Variants in B3GALT1 observed in about 807,000 individuals in gnomAD.
The protein encoded by B3GALT1 is UDP-Gal:betaGlcNAc beta 1,3-galactosyltransferase, polypeptide 1.
Under a neutral mutation model 23.2 loss-of-function variants are expected in B3GALT1, and 10 were observed. The observed-to-expected ratio is 0.43, with a 90% confidence interval of 0.27 to 0.73. B3GALT1 has a LOEUF of 0.73. Ranked by LOEUF, B3GALT1 falls within the 30% of genes least tolerant of loss-of-function variation. The pLI, the probability that B3GALT1 is intolerant of heterozygous loss-of-function variation, is 0.21. For missense variants in B3GALT1, 299 were observed against 405.4 expected (o/e 0.74, Z 2.25); for synonymous variants, 156 against 141.5 (o/e 1.10, Z -0.73).
intron 2 of B3GALT1, among the ~76,000 whole-genome samples, chr2:167,548,675 C>CT (rs1231846870): frequency 1.0e-5 from 1 of 99,844 alleles, no homozygotes; most frequent in Non-Finnish European, 2.0e-5. Context: ...CCTGTCCAGA[C>CT]GTGTGTGTGA....
intron 1 of B3GALT1, among the ~76,000 whole-genome samples, chr2:167,334,925 T>C (rs929070018): frequency 6.6e-6 from 1 of 152,200 alleles, no homozygotes; most frequent in African/African-American, 2.4e-5. Context: ...TTTTGTAATT[T>C]TATTTCTTTA....
intron 3 of B3GALT1, among the ~76,000 whole-genome samples, chr2:167,783,247 A>C (rs1688277610): frequency 6.6e-6 from 1 of 152,176 alleles, no homozygotes; most frequent in African/African-American, 2.4e-5. Context: ...CATTGAGCTC[A>C]AAAAGAGTAC....
chr2:167,828,662 C>T (rs1689280213), intron 4 of B3GALT1, among the ~76,000 whole-genome samples: 1 of 152,188 alleles, frequency 6.6e-6, no homozygotes, highest in East Asian at 1.9e-4. Flanking sequence ...AAATCACAAT[C>T]CTAATAATGG....
At chr2:167,795,950 C>G (rs1172817964) in intron 3 of B3GALT1, among the ~76,000 whole-genome samples, 1 of 152,172 alleles carries the variant, frequency 6.6e-6, no homozygotes, top group Non-Finnish European at 1.5e-5. Context: ...TCTGGTTTCT[C>G]CTGGAACTGC....
intron 2 of B3GALT1, among the ~76,000 whole-genome samples, chr2:167,579,056 C>T (rs1684432450): frequency 6.6e-6 from 1 of 152,002 alleles, no homozygotes. Flanking sequence ...AGAGCTTGCC[C>T]CCAGATAAAA....
At chr2:167,864,674 C>T (rs1234960509) in intron 4 of B3GALT1, among the ~76,000 whole-genome samples, 10 of 152,190 alleles carry the variant, frequency 6.6e-5, no homozygotes, top group Admixed American at 6.5e-4. Flanking sequence ...CTCAACAGGC[C>T]TTAGGAAGCT....
At chr2:167,464,347 G>T (rs978964601) in intron 1 of B3GALT1, among the ~76,000 whole-genome samples, 1 of 152,154 alleles carries the variant, frequency 6.6e-6, no homozygotes, top group Non-Finnish European at 1.5e-5. Flanking sequence ...TTTCAGAGAA[G>T]AATTGAGTTT....
intron 1 of B3GALT1, among the ~76,000 whole-genome samples, chr2:167,422,378 G>A (rs946648981): frequency 2.0e-5 from 3 of 152,088 alleles, no homozygotes; most frequent in Non-Finnish European, 4.4e-5. Context: ...AGAACTATGA[G>A]CAATAAATTT....
chr2:167,530,049 A>C (rs1683297999), intron 2 of B3GALT1, among the ~76,000 whole-genome samples: 1 of 152,130 alleles, frequency 6.6e-6, no homozygotes, highest in Admixed American at 6.6e-5. Flanking sequence ...CTCTGAGCTC[A>C]CTTCCTACAA....
intron 1 of B3GALT1, among the ~76,000 whole-genome samples, chr2:167,353,970 TA>T (rs1158020488): frequency 6.6e-6 from 1 of 152,164 alleles, no homozygotes; most frequent in African/African-American, 2.4e-5. Context: ...GCTAAATTCA[TA>T]AATGTACAAT....
intron 3 of B3GALT1, among the ~76,000 whole-genome samples, chr2:167,673,123 A>T (rs13033539): frequency 6.6e-6 from 1 of 152,122 alleles, no homozygotes; most frequent in Non-Finnish European, 1.5e-5. Context: ...ATGATAAGGC[A>T]TGGGAGAACG....
chr2:167,869,223 T>A lies in B3GALT1; in HGVS notation c.184T>A (p.Ser62Thr). ...AAGAACTCGACCTATCAACCCACAT[T>A]CTTTTGAATTTCTTATCAACGAGCC... ...NIRTRPINPH[S>T]FEFLINEPNK... Residue 62 changes from serine to threonine, a missense_variant, in exon 5 of 5, where the codon TCT (serine) becomes ACT (threonine). Transcript: ENST00000392690. The surrounding 1 kb of genome is among the most constrained non-coding windows in gnomAD (Gnocchi z 6.4). The A allele has an allele frequency of 6.2e-7, 1 of 1,614,172 alleles. No homozygotes were observed. Among genetic ancestry groups the A allele is most frequent in the Middle Eastern group, 1.6e-4 (1 of 6,062 alleles).
intron 4 of B3GALT1, among the ~76,000 whole-genome samples, chr2:167,827,475 G>C (rs1202879397): frequency 6.6e-6 from 1 of 152,160 alleles, no homozygotes; most frequent in African/African-American, 2.4e-5. Flanking sequence ...GTCTAGACTG[G>C]CACCTAGGTG....
At chr2:167,804,903 C>T (rs1486357915) in intron 3 of B3GALT1, among the ~76,000 whole-genome samples, 1 of 152,216 alleles carries the variant, frequency 6.6e-6, no homozygotes, top group Non-Finnish European at 1.5e-5. Context: ...AATCGCCACA[C>T]TGACTTCCAC....
chr2:167,434,786 A>G (rs73023873), intron 1 of B3GALT1, among the ~76,000 whole-genome samples: 2,319 of 141,404 alleles, frequency 0.016, 65 homozygotes, highest in African/African-American at 0.054. Context: ...AGCCAATGCT[A>G]TAATTTAAAA....
intron 1 of B3GALT1, among the ~76,000 whole-genome samples, chr2:167,351,578 A>T (rs1319937071): frequency 6.6e-6 from 1 of 152,220 alleles, no homozygotes. Flanking sequence ...ACTAAAGTAC[A>T]CAAGTGTGTG....
intron 3 of B3GALT1, among the ~76,000 whole-genome samples, chr2:167,809,282 C>T (rs1431284203): frequency 2.0e-5 from 3 of 152,324 alleles, no homozygotes; most frequent in African/African-American, 7.2e-5. Context: ...CTTCTCTCAA[C>T]TCATCAAAGT....
chr2:167,728,339 A>C (rs886450270), intron 3 of B3GALT1, among the ~76,000 whole-genome samples: 1 of 152,176 alleles, frequency 6.6e-6, no homozygotes, highest in Non-Finnish European at 1.5e-5. Flanking sequence ...GTGAGGTGAG[A>C]TCACGCCACT....
chr2:167,669,496 T>C (rs1053563805), intron 3 of B3GALT1, among the ~76,000 whole-genome samples: 5 of 152,194 alleles, frequency 3.3e-5, no homozygotes, highest in African/African-American at 1.2e-4. Flanking sequence ...GTGTGAAATA[T>C]GAAATGTGGA....
Sources: allele counts gnomAD v4.1 joint callset (sites outside exome capture counted in the v4.1 genomes callset), GRCh38; gene constraint gnomAD v4.1.1; non-coding constraint Gnocchi (gnomAD v3.1); transcripts MANE v1.5; gene names NCBI Gene and HGNC (gene_info 2026-07-23, HGNC 2026-07-21).